PREX1: variants seen among roughly 807,000 people sequenced by gnomAD.
PREX1 encodes the protein phosphatidylinositol-3,4,5-trisphosphate dependent Rac exchange factor 1, also known as phosphatidylinositol 3,4,5-trisphosphate-dependent Rac exchanger 1 protein.
PREX1 carries 41 observed loss-of-function variants against 198.3 expected under a neutral mutation model. That is an observed-to-expected ratio of 0.21 (90% CI 0.16 to 0.27). The LOEUF is 0.27. Ranked by LOEUF, PREX1 falls within the 10% of genes least tolerant of loss-of-function variation. The pLI, the probability that PREX1 is intolerant of heterozygous loss-of-function variation, is 1.00. For missense variants in PREX1, 1,620 were observed against 2,200.7 expected (o/e 0.74, Z 5.28); for synonymous variants, 843 against 887.2 (o/e 0.95, Z 0.89).
At chr20:48,693,762 C>T (rs145133066) in intron 7 of PREX1, among the ~76,000 whole-genome samples, 1 of 151,968 alleles carries the variant, frequency 6.6e-6, no homozygotes, top group East Asian at 1.9e-4. Flanking sequence ...CATGTCTCAC[C>T]ACGCCCAGCT....
chr20:48,627,510 G>A (rs1220488279), intron 39 of PREX1, 38 bp downstream of exon 39: 1 of 1,611,180 alleles, frequency 6.2e-7, no homozygotes, highest in Admixed American at 1.7e-5. Context: ...TCGCCAGCTG[G>A]GAGTGGACAG....
intron 25 of PREX1, among the ~76,000 whole-genome samples, chr20:48,646,797 T>TCAA (rs1361833405): frequency 1.3e-5 from 2 of 152,222 alleles, no homozygotes; most frequent in African/African-American, 2.4e-5. Context: ...AGCACAGGTT[T>TCAA]TGAAGCTAGC....
intron 1 of PREX1, among the ~76,000 whole-genome samples, chr20:48,825,707 A>G (rs962831089): frequency 1.3e-5 from 2 of 151,792 alleles, no homozygotes; most frequent in African/African-American, 4.8e-5. Flanking sequence ...ATTGGTTTGT[A>G]TTTCCTGTTT....
chr20:48,828,626 C>T (rs1197772261), upstream of PREX1, among the ~76,000 whole-genome samples: 2 of 152,154 alleles, frequency 1.3e-5, no homozygotes, highest in African/African-American at 4.8e-5. Context: ...TGGGAAGGAA[C>T]ATGCGTGGCG....
intron 3 of PREX1, among the ~76,000 whole-genome samples, chr20:48,736,695 A>G (rs2090058435): frequency 6.6e-6 from 1 of 152,222 alleles, no homozygotes; most frequent in African/African-American, 2.4e-5. Flanking sequence ...CCAGGATTTC[A>G]GCTGCAGACT....
intron 39 of PREX1, among the ~76,000 whole-genome samples, chr20:48,627,186 C>T (rs2089278959): frequency 1.4e-5 from 2 of 142,232 alleles, no homozygotes; most frequent in South Asian, 4.3e-4. Flanking sequence ...GCTCAGGGGT[C>T]AGGGACTCAG....
intron 1 of PREX1, among the ~76,000 whole-genome samples, chr20:48,796,305 TAA>T (rs869122867): frequency 1.3e-4 from 17 of 134,112 alleles, no homozygotes; most frequent in African/African-American, 3.5e-4. Flanking sequence ...TAATAATAAT[TAA>T]AAAAAAAAAA....
At chr20:48,885,685 A>T in the PREX1 span, among the ~76,000 whole-genome samples, 1 of 132,376 alleles carries the variant, frequency 7.6e-6, no homozygotes, top group East Asian at 2.5e-4. Flanking sequence ...GGATGAATAA[A>T]CTGTGACACC....
At chr20:48,651,308 C>A in intron 22 of PREX1, 88 bp downstream of exon 22, 1 of 1,487,108 alleles carries the variant, frequency 6.7e-7, no homozygotes. Context: ...TTCGGGTGTC[C>A]CACCCAACTC....
chr20:48,862,807 A>ATATGTGTGTG, the PREX1 span, among the ~76,000 whole-genome samples: 49 of 126,688 alleles, frequency 3.9e-4, 2 homozygotes, highest in African/African-American at 9.3e-4. Flanking sequence ...ATATATATAT[A>ATATGTGTGTG]TATATACTAA....
At chr20:48,874,980 T>G in the PREX1 span, among the ~76,000 whole-genome samples, 1 of 152,196 alleles carries the variant, frequency 6.6e-6, no homozygotes, top group Non-Finnish European at 1.5e-5. Context: ...AAGCTGTCCC[T>G]TGACAGAGAG....
At chr20:48,796,660 C>T (rs1307020501) in intron 1 of PREX1, among the ~76,000 whole-genome samples, 1 of 150,258 alleles carries the variant, frequency 6.7e-6, no homozygotes, top group Non-Finnish European at 1.5e-5. Context: ...TATAAATATC[C>T]AGTTATATGT....
Position 48,666,409 on chromosome 20 carries a change from G to T in PREX1, c.1666-54C>A. 1 of 1,454,846 alleles carries T rather than the reference G, an allele frequency of 6.9e-7. No individual in the cohort carries two copies. Among genetic ancestry groups the T allele is most frequent in the Non-Finnish European group, 9.4e-7 (1 of 1,066,842 alleles). The allele number at this position is 1,454,846 out of a possible 1,614,324, so 90.1% of individuals were successfully genotyped here. On this transcript the variant is annotated intron_variant, in intron 14 of 39. Transcript: ENST00000371941. This position sits in a 1 kb window ranked among gnomAD's most constrained non-coding sequence, Gnocchi z 4.3. ...TAGGTGGCAGCATCCGAGAGGCCAT[G>T]CATGGCCAACGAGAAGCCCACAACC...
At position 48,684,580 on chromosome 20, in the gene PREX1, G is replaced by A. The variant is rs1049777358; in HGVS notation, c.1335-3245C>T. Reference sequence around the variant, plus strand: ...GGTGAAACCCAAGGCCTTCGTCCAGGAAGCTTTTCCTGACGGCCCCTGCCA... The same window carrying A: ...GGTGAAACCCAAGGCCTTCGTCCAGAAAGCTTTTCCTGACGGCCCCTGCCA... On this transcript the variant is annotated intron_variant, in intron 10 of 39. Transcript: ENST00000371941. This position sits in a 1 kb window ranked among gnomAD's most constrained non-coding sequence, Gnocchi z 4.2. Among the ~76,000 whole-genome samples, 1 of 152,202 alleles carries A rather than the reference G, an allele frequency of 6.6e-6. No homozygotes were observed. Among genetic ancestry groups the A allele is most frequent in the African/African-American group, 2.4e-5 (1 of 41,446 alleles).
intron 3 of PREX1, among the ~76,000 whole-genome samples, chr20:48,736,000 G>A (rs1249520934): frequency 6.6e-6 from 1 of 152,180 alleles, no homozygotes; most frequent in Admixed American, 6.5e-5. Context: ...CCTAAGTAGA[G>A]GGTGACCTTG....
intron 1 of PREX1, among the ~76,000 whole-genome samples, chr20:48,810,427 T>A (rs983220344): frequency 1.1e-4 from 16 of 149,580 alleles, no homozygotes; most frequent in South Asian, 2.1e-4. Flanking sequence ...CTAAAAAAAA[T>A]TTTTTAATTA....
the PREX1 span, among the ~76,000 whole-genome samples, chr20:48,860,802 T>C: frequency 6.7e-6 from 1 of 149,468 alleles, no homozygotes; most frequent in Non-Finnish European, 1.5e-5. Flanking sequence ...ACCACTGCAC[T>C]CTGGCTGGGC....
chr20:48,795,406 G>T (rs114219011), intron 1 of PREX1, among the ~76,000 whole-genome samples: 2,807 of 152,080 alleles, frequency 0.018, 98 homozygotes, highest in African/African-American at 0.065. Context: ...GGGCAATTTT[G>T]CTTGCCCCAA....
the PREX1 span, among the ~76,000 whole-genome samples, chr20:48,846,926 C>T: frequency 3.3e-5 from 5 of 152,328 alleles, no homozygotes; most frequent in South Asian, 1.0e-3. Flanking sequence ...GAGATGGCTG[C>T]TTGACCTTTC....
Sources: allele counts gnomAD v4.1 joint callset (sites outside exome capture counted in the v4.1 genomes callset), GRCh38; gene constraint gnomAD v4.1.1; non-coding constraint Gnocchi (gnomAD v3.1); transcripts MANE v1.5; gene names NCBI Gene and HGNC (gene_info 2026-07-23, HGNC 2026-07-21).